Variants in RRP12 observed in about 807,000 individuals in gnomAD.
The protein encoded by RRP12 is RRP12-like protein.
RRP12 carries 78 observed loss-of-function variants against 157.3 expected under a neutral mutation model. The ratio of observed to expected loss-of-function variants is 0.50; its 90% CI spans 0.41 to 0.60. RRP12 has a LOEUF of 0.60. RRP12 is among the 20% of genes least tolerant of loss of function. The probability of loss-of-function intolerance (pLI) is 0.00; values close to 1 mark genes in which losing one functional copy is unlikely to be tolerated. For synonymous variants in RRP12, 726 were observed against 670.9 expected (o/e 1.08, Z -1.27); for missense variants, 1,521 against 1,679.9 (o/e 0.91, Z 1.65).
rs1235016162 is a variant in RRP12 at position 97,398,042 on chromosome 10, T to A, written c.370-1741A>T. On this transcript the variant is annotated intron_variant, in intron 2 of 33. Transcript: ENST00000370992. ...ATATATGTATATATATATACGTATTTTTTTTTTTTTTTTTTTTTTTTTTGA... is the reference window on the plus strand; with the variant it reads ...ATATATGTATATATATATACGTATTATTTTTTTTTTTTTTTTTTTTTTTGA... Among the ~76,000 whole-genome samples, 7 of 51,040 alleles carry A rather than the reference T, an allele frequency of 1.4e-4. 1 individual carries two copies. The highest frequency in any genetic ancestry group is 7.6e-4 in the African/African-American group (7 of 9,158). The allele number at this position is 51,040 out of a possible 152,430, so 33.5% of individuals were successfully genotyped here.
intron 25 of RRP12, among the ~76,000 whole-genome samples, chr10:97,367,595 T>C (rs1844025956): frequency 6.6e-6 from 1 of 152,230 alleles, no homozygotes; most frequent in African/African-American, 2.4e-5. Context: ...TGGTCCCCTA[T>C]GTCCCTTCCA....
At chr10:97,378,788 CG>C (rs1844380293) in intron 15 of RRP12, among the ~76,000 whole-genome samples, 1 of 152,002 alleles carries the variant, frequency 6.6e-6, no homozygotes, top group Non-Finnish European at 1.5e-5. Context: ...ACCCGGAAGG[CG>C]GAGGTTGCAG....
chr10:97,398,819 T>C (rs921893427), intron 2 of RRP12, among the ~76,000 whole-genome samples: 1 of 152,100 alleles, frequency 6.6e-6, no homozygotes, highest in African/African-American at 2.4e-5. Context: ...AAATCAAGTA[T>C]TTCCAATGAA....
chr10:97,390,970 C>T, intron 4 of RRP12, 126 bp from the exon 5 acceptor site: 1 of 700,882 alleles, frequency 1.4e-6, no homozygotes, highest in East Asian at 2.6e-5. Context: ...AAGTGAGCAA[C>T]AAAGTCAGAA....
intron 8 of RRP12, 84 bp from the exon 9 acceptor site, chr10:97,386,077 G>A (rs1247107325): frequency 2.3e-6 from 2 of 852,048 alleles, no homozygotes; most frequent in Non-Finnish European, 3.9e-6. Flanking sequence ...GTGTGCTAGG[G>A]AGTTGAGGGC....
intron 15 of RRP12, among the ~76,000 whole-genome samples, chr10:97,377,930 T>C (rs1394358839): frequency 6.6e-6 from 1 of 150,552 alleles, no homozygotes; most frequent in Non-Finnish European, 1.5e-5. Flanking sequence ...CTGCCCTACA[T>C]CCTCAAAATC....
chr10:97,381,264 T>A lies in RRP12; in HGVS notation c.1418+122A>T. On this transcript the variant is annotated intron_variant, in intron 12 of 33. Transcript: ENST00000370992. ...CAGATGTTCAGTAAGCAGCCTGCAA[T>A]CCCGTAAAGCACTGCCACTGCAGGC... The A allele has an allele frequency of 4.1e-6, 3 of 726,856 alleles. No individual in the cohort carries two copies. The South Asian group carries it at 6.0e-5, about 15-fold the overall frequency. 45.0% of individuals were successfully genotyped at this position (726,856 alleles called of 1,614,324 possible).
chr10:97,395,551 CAAA>C (rs879295022), intron 3 of RRP12, among the ~76,000 whole-genome samples: 1 of 118,108 alleles, frequency 8.5e-6, no homozygotes, highest in South Asian at 2.7e-4. Flanking sequence ...GACTCTGTTT[CAAA>C]AAAAAAAAAA....
In RRP12 at chr10:97,372,182, G is replaced by A; in HGVS notation, c.2250-16C>T. On this transcript the variant is annotated splice_polypyrimidine_tract_variant and intron_variant, in intron 19 of 33. Transcript: ENST00000370992. Reference sequence around the variant, plus strand: ...GACAGACAATCTGCTCGGGGCAGGAGGACAAGGAGAGGGATGGGGAGCTGG... The same window carrying A: ...GACAGACAATCTGCTCGGGGCAGGAAGACAAGGAGAGGGATGGGGAGCTGG... 5 of 1,607,442 alleles carry A rather than the reference G, an allele frequency of 3.1e-6. No homozygotes were observed. Among genetic ancestry groups the A allele is most frequent in the Non-Finnish European group, 4.3e-6 (5 of 1,175,200 alleles).
At chr10:97,371,357 C>T (rs553476431) in intron 20 of RRP12, 12 of 491,108 alleles carry the variant, frequency 2.4e-5, no homozygotes, top group Admixed American at 7.1e-5. Flanking sequence ...GCCTGGCACG[C>T]GCCAAGGCCT....
Position 97,390,432 on chromosome 10 carries a change from G to C in RRP12, c.744C>G (p.Pro248=). The C allele has an allele frequency of 6.2e-7, 1 of 1,612,644 alleles. No homozygotes were observed. Among genetic ancestry groups the C allele is most frequent in the Non-Finnish European group, 8.5e-7 (1 of 1,178,748 alleles). Residue 248 remains proline, a synonymous_variant, in exon 6 of 34, where the codon CCC becomes CCG. Coordinates refer to ENST00000370992, the MANE Select transcript of RRP12 (RefSeq NM_015179.4). The stretch of plus-strand genomic sequence containing the variant: ...GAGCTAGTAGTCTCACCTTGGGCTT[G>C]GGATGCACCGTGAAGCTCAGCAGCC... ...YHGLLSFTVH[P]KPKIRKAAQH...
rs1293174740 is a variant in RRP12 at position 97,372,822 on chromosome 10, TGAG to T, written c.2182-22_2182-20del. On this transcript the variant is annotated intron_variant, in intron 18 of 33. Coordinates refer to ENST00000370992, the MANE Select transcript of RRP12 (RefSeq NM_015179.4). The stretch of plus-strand genomic sequence containing the variant: ...TCACCAACTTGTGGCCCCGAGGGAA[TGAG>T]GAGAAGAGAGTCATTGGGGAGGAGC... 1.2e-5 allele frequency: 18 copies of T among 1,556,130 alleles called. No individual in the cohort carries two copies. The highest frequency in any genetic ancestry group is 9.7e-5 in the East Asian group (4 of 41,432).
At chr10:97,390,296 A>C in intron 6 of RRP12, 127 bp downstream of exon 6, 1 of 734,812 alleles carries the variant, frequency 1.4e-6, no homozygotes, top group Non-Finnish European at 2.4e-6. Context: ...GTGCCTCAGA[A>C]GCAGAAAGCA....
intron 11 of RRP12, 57 bp downstream of exon 11, chr10:97,381,658 C>T (rs1405813426): frequency 6.8e-6 from 10 of 1,473,210 alleles, no homozygotes; most frequent in Non-Finnish European, 9.5e-6. Context: ...CTGGGAAAGA[C>T]AGGGCAGCCC....
At chr10:97,389,186 C>T (rs1168744211) in intron 6 of RRP12, among the ~76,000 whole-genome samples, 2 of 152,120 alleles carry the variant, frequency 1.3e-5, no homozygotes, top group African/African-American at 4.8e-5. Flanking sequence ...CTCCGCCTCC[C>T]AGGTTCACGC....
chr10:97,378,264 G>A (rs1454726142), intron 15 of RRP12, among the ~76,000 whole-genome samples: 3 of 152,102 alleles, frequency 2.0e-5, no homozygotes, highest in Admixed American at 6.5e-5. Context: ...AAAATGCATC[G>A]GTAGGTGATT....
chr10:97,382,161 A>G (rs1419614429), intron 10 of RRP12, among the ~76,000 whole-genome samples: 1 of 150,538 alleles, frequency 6.6e-6, no homozygotes, highest in Admixed American at 6.6e-5. Context: ...AAATGCACAA[A>G]CATGAAAACA....
chr10:97,357,106 A>T lies in RRP12; in HGVS notation c.3882T>A (p.Asp1294Glu). 1 of 1,611,650 alleles carries T rather than the reference A, an allele frequency of 6.2e-7. No homozygotes were observed. Among genetic ancestry groups the T allele is most frequent in the Admixed American group, 1.7e-5 (1 of 59,982 alleles). ...SQVGHKNRRK[D>E]RRP ...GGGGCCCTGGGCCTCAGGGTCGACG[A>T]TCCTTTCTGCGGTTTTTGTGTCCCA... Residue 1294 changes from aspartate (D) to glutamate (E), a missense_variant, in exon 34 of 34, where the codon GAT becomes GAA. Physicochemically the swap from Asp to Glu is conservative, Grantham distance 45. Coordinates refer to ENST00000370992, the MANE Select transcript of RRP12 (RefSeq NM_015179.4).
At position 97,377,107 on chromosome 10, in the gene RRP12, T is replaced by C. The variant is rs543221613; in HGVS notation, c.1798+2186A>G. On this transcript the variant is annotated intron_variant, in intron 15 of 33. Transcript: ENST00000370992. ...GTTGGCCAGGCTGGTCTCAAGCTCC[T>C]GACTTCAGGTGATCCACCCACCTCG... Among the ~76,000 whole-genome samples, 13 of 151,788 alleles carry C rather than the reference T, an allele frequency of 8.6e-5. No homozygotes were observed. The East Asian group carries it at 2.4e-3, about 28-fold the overall frequency.
Sources: gnomAD v4.1 joint callset for allele counts (sites outside exome capture counted in the v4.1 genomes callset) on GRCh38, gnomAD v4.1.1 for gene constraint, MANE v1.5 for transcripts, NCBI Gene and HGNC (gene_info 2026-07-23, HGNC 2026-07-21) for gene names.